NIBAN1: variants seen among roughly 807,000 people sequenced by gnomAD.
NIBAN1 encodes the protein niban apoptosis regulator 1.
A neutral mutation model predicts 75.1 loss-of-function variants in NIBAN1; 81 were observed. The observed-to-expected ratio is 1.08, with a 90% CI of 0.90 to 1.30. The LOEUF (loss-of-function observed/expected upper bound fraction) is 1.30. Among genes scored for constraint, NIBAN1 ranks in the 50% most tolerant of loss-of-function variants. NIBAN1 has a pLI of 0.00. For synonymous variants in NIBAN1, 436 were observed against 424.8 expected (o/e 1.03, Z -0.32); for missense variants, 1,133 against 1,128.1 (o/e 1.00, Z -0.06).
chr1:184,909,416 G>A (rs2102002609), intron 1 of NIBAN1, among the ~76,000 whole-genome samples: 1 of 151,980 alleles, frequency 6.6e-6, no homozygotes, highest in Admixed American at 6.6e-5. Context: ...TGCCATTAAT[G>A]TAAAAAAACG....
chr1:184,877,226 C>T (rs995205973), intron 5 of NIBAN1, among the ~76,000 whole-genome samples: 6 of 151,692 alleles, frequency 4.0e-5, no homozygotes, highest in Non-Finnish European at 7.4e-5. Context: ...TAATACTGAA[C>T]AAAAAGAAGT....
chr1:184,962,982 A>G (rs532424634), intron 1 of NIBAN1, among the ~76,000 whole-genome samples: 1 of 152,314 alleles, frequency 6.6e-6, no homozygotes, highest in African/African-American at 2.4e-5. Flanking sequence ...ACAAAATGAC[A>G]TATTAGAATA....
At chr1:184,925,501 C>T (rs1411048775) in intron 1 of NIBAN1, among the ~76,000 whole-genome samples, 1 of 151,916 alleles carries the variant, frequency 6.6e-6, no homozygotes. Flanking sequence ...TTTCTGCCTT[C>T]CTGCCATTTT....
intron 5 of NIBAN1, among the ~76,000 whole-genome samples, chr1:184,877,954 A>T (rs1656274810): frequency 6.6e-6 from 1 of 151,982 alleles, no homozygotes; most frequent in Non-Finnish European, 1.5e-5. Context: ...TGCTTATGTA[A>T]TTTTTTTAAT....
chr1:184,945,989 C>A (rs774674617), intron 1 of NIBAN1, among the ~76,000 whole-genome samples: 2 of 140,590 alleles, frequency 1.4e-5, no homozygotes, highest in Non-Finnish European at 3.1e-5. Flanking sequence ...GATTTCAAAG[C>A]GCTGGGATTA....
intron 5 of NIBAN1, among the ~76,000 whole-genome samples, chr1:184,871,342 T>C (rs779930503): frequency 1.4e-5 from 1 of 73,218 alleles, no homozygotes; most frequent in Non-Finnish European, 2.5e-5. Context: ...ATCAAAACTC[T>C]ATCTCAAAAA....
intron 1 of NIBAN1, among the ~76,000 whole-genome samples, chr1:184,929,569 T>C (rs1474116458): frequency 6.6e-6 from 1 of 152,160 alleles, no homozygotes; most frequent in Non-Finnish European, 1.5e-5. Context: ...TAGAAGATTT[T>C]TTTCACCTCC....
intron 1 of NIBAN1, among the ~76,000 whole-genome samples, chr1:184,929,766 C>T (rs1344901912): frequency 1.3e-5 from 2 of 152,130 alleles, no homozygotes; most frequent in African/African-American, 2.4e-5. Context: ...GCTCCACTAA[C>T]GTGTGGTCAA....
intron 1 of NIBAN1, among the ~76,000 whole-genome samples, chr1:184,939,203 G>A (rs1658031045): frequency 6.6e-6 from 1 of 152,194 alleles, no homozygotes; most frequent in African/African-American, 2.4e-5. Flanking sequence ...AGCATATTTA[G>A]TACAAAGCAG....
chr1:184,814,313 T>A (rs1406963002), intron 9 of NIBAN1, among the ~76,000 whole-genome samples: 1 of 152,212 alleles, frequency 6.6e-6, no homozygotes, highest in African/African-American at 2.4e-5. Context: ...TTTATAAAAA[T>A]CTTACCTTAT....
chr1:184,878,020 A>C (rs1185733543), intron 5 of NIBAN1, among the ~76,000 whole-genome samples: 1 of 152,054 alleles, frequency 6.6e-6, no homozygotes, highest in East Asian at 1.9e-4. Flanking sequence ...TTAGACCTTC[A>C]TACCAAATAA....
At chr1:184,864,397 A>G (rs1216501214) in intron 5 of NIBAN1, among the ~76,000 whole-genome samples, 1 of 152,224 alleles carries the variant, frequency 6.6e-6, no homozygotes, top group Non-Finnish European at 1.5e-5. Flanking sequence ...TATAACAGCC[A>G]ATAAACACTT....
At chr1:184,940,409 G>A (rs2102047268) in intron 1 of NIBAN1, among the ~76,000 whole-genome samples, 1 of 151,408 alleles carries the variant, frequency 6.6e-6, no homozygotes, top group Non-Finnish European at 1.5e-5. Flanking sequence ...TGGCAGTAAT[G>A]TGGAACTTTT....
intron 6 of NIBAN1, among the ~76,000 whole-genome samples, chr1:184,828,809 AT>A (rs11361571): frequency 0.65 from 95,151 of 146,574 alleles, 31,182 homozygotes; most frequent in Middle Eastern, 0.76. Context: ...AAGCAAAACC[AT>A]TTTTTTTTTT....
intron 1 of NIBAN1, among the ~76,000 whole-genome samples, chr1:184,937,436 CCTTT>C (rs1657991285): frequency 6.6e-6 from 1 of 152,088 alleles, no homozygotes; most frequent in Non-Finnish European, 1.5e-5. Flanking sequence ...ATTACTTCTC[CCTTT>C]CTTCTCCACA....
At chr1:184,829,464 CTTTTTTTTTTT>C (rs34475915) in intron 6 of NIBAN1, among the ~76,000 whole-genome samples, 1 of 129,054 alleles carries the variant, frequency 7.7e-6, no homozygotes, top group Non-Finnish European at 1.6e-5. Context: ...TACATATATT[CTTTTTTTTTTT>C]TTTTTTTTTG....
At chr1:184,955,307 T>TTTCCTTTCC (rs1658455390) in intron 1 of NIBAN1, among the ~76,000 whole-genome samples, 2 of 94,520 alleles carry the variant, frequency 2.1e-5, no homozygotes, top group Non-Finnish European at 4.3e-5. Context: ...TTTTCTTTTC[T>TTTCCTTTCC]TTTCCTTTCC....
intron 2 of NIBAN1, among the ~76,000 whole-genome samples, chr1:184,897,469 T>A (rs1656831079): frequency 6.6e-6 from 1 of 152,180 alleles, no homozygotes; most frequent in South Asian, 2.1e-4. Context: ...CTTCTCCTTT[T>A]TCTGATCTCC....
intron 1 of NIBAN1, among the ~76,000 whole-genome samples, chr1:184,949,149 A>G (rs143593220): frequency 0.021 from 3,159 of 152,112 alleles, 99 homozygotes; most frequent in African/African-American, 0.072. Context: ...GTCAGAAGAT[A>G]GAGACCATCC....
Sources: allele counts gnomAD v4.1 joint callset (sites outside exome capture counted in the v4.1 genomes callset), GRCh38; gene constraint gnomAD v4.1.1; transcripts MANE v1.5; gene names NCBI Gene and HGNC (gene_info 2026-07-23, HGNC 2026-07-21).